The following RBFOX1 variants were observed in gnomAD, a reference collection of about 807,000 sequenced individuals.
The protein encoded by RBFOX1 is RNA binding protein fox-1 homolog 1.
Under a neutral mutation model 57.7 loss-of-function variants are expected in RBFOX1, and 8 were observed. That is an observed-to-expected ratio of 0.14 (90% CI 0.08 to 0.25). RBFOX1 has a LOEUF of 0.25. RBFOX1 is among the 10% of genes least tolerant of loss of function. RBFOX1 has a pLI of 1.00. For synonymous variants in RBFOX1, 326 were observed against 222.4 expected (o/e 1.47, Z -4.15); for missense variants, 611 against 548.5 (o/e 1.11, Z -1.14).
intron 5 of RBFOX1, among the ~76,000 whole-genome samples, chr16:7,518,886 C>T (rs2076958177): frequency 6.6e-6 from 1 of 152,006 alleles, no homozygotes; most frequent in South Asian, 2.1e-4. Flanking sequence ...AGCTGAGTGT[C>T]ATGGTGCATG....
At chr16:5,694,370 C>T (rs770939350) in intron 3 of RBFOX1, among the ~76,000 whole-genome samples, 1 of 152,158 alleles carries the variant, frequency 6.6e-6, no homozygotes, top group Non-Finnish European at 1.5e-5. Flanking sequence ...AGGTTTTCTG[C>T]CTTCCGTCTA....
chr16:6,858,362 G>A (rs928097545), intron 3 of RBFOX1, among the ~76,000 whole-genome samples: 1 of 152,186 alleles, frequency 6.6e-6, no homozygotes, highest in Non-Finnish European at 1.5e-5. Flanking sequence ...AAGCAGAGCA[G>A]ATTCGTGATA....
intron 2 of RBFOX1, among the ~76,000 whole-genome samples, chr16:6,512,235 G>T (rs1413522895): frequency 1.5e-5 from 2 of 129,956 alleles, no homozygotes; most frequent in Non-Finnish European, 3.1e-5. Context: ...AGTGAACCAT[G>T]ATCACACCAC....
At chr16:5,838,669 C>G (rs1597445336) in intron 3 of RBFOX1, 1 of 152,938 alleles carries the variant, frequency 6.5e-6, no homozygotes, top group East Asian at 1.9e-4. Context: ...CACTTTCTCT[C>G]TCTAGACCTC....
intron 4 of RBFOX1, among the ~76,000 whole-genome samples, chr16:7,345,279 T>C (rs1387736663): frequency 6.6e-6 from 1 of 152,166 alleles, no homozygotes; most frequent in East Asian, 1.9e-4. Context: ...CCTCTACAGC[T>C]CTGCATTTGT....
chr16:5,617,141 C>A (rs1477572821), intron 3 of RBFOX1, among the ~76,000 whole-genome samples: 1 of 151,602 alleles, frequency 6.6e-6, no homozygotes, highest in African/African-American at 2.4e-5. Context: ...CTCATTCATT[C>A]ATGAATGCAC....
intron 1 of RBFOX1, among the ~76,000 whole-genome samples, chr16:5,275,482 A>G (rs1194629328): frequency 6.6e-6 from 1 of 152,220 alleles, no homozygotes; most frequent in Admixed American, 6.5e-5. Flanking sequence ...CTAACCAAGG[A>G]GGTGAAATAC....
At chr16:6,752,016 C>T (rs1364065359) in intron 3 of RBFOX1, among the ~76,000 whole-genome samples, 1 of 152,122 alleles carries the variant, frequency 6.6e-6, no homozygotes, top group African/African-American at 2.4e-5. Flanking sequence ...GAATAGGTGA[C>T]TCAGTAACAA....
At chr16:7,105,790 A>AGG (rs1567277182) in intron 4 of RBFOX1, among the ~76,000 whole-genome samples, 3 of 111,002 alleles carry the variant, frequency 2.7e-5, no homozygotes, top group Non-Finnish European at 5.5e-5. Context: ...GTATATAGAG[A>AGG]TAGATAGATA....
At chr16:6,894,707 A>G (rs560423433) in intron 3 of RBFOX1, among the ~76,000 whole-genome samples, 1 of 152,342 alleles carries the variant, frequency 6.6e-6, no homozygotes, top group South Asian at 2.1e-4. Flanking sequence ...ACATTCATGA[A>G]TTAAAATTTT....
chr16:5,278,867 C>T (rs1013904057), intron 1 of RBFOX1, among the ~76,000 whole-genome samples: 5 of 152,092 alleles, frequency 3.3e-5, no homozygotes, highest in African/African-American at 1.2e-4. Context: ...AATGTATGTT[C>T]TTGACACCTT....
intron 4 of RBFOX1, among the ~76,000 whole-genome samples, chr16:7,264,749 A>G (rs1034776026): frequency 6.6e-6 from 1 of 152,180 alleles, no homozygotes; most frequent in African/African-American, 2.4e-5. Context: ...GCTCTTGGCT[A>G]TATCAAAATA....
Position 7,302,993 on chromosome 16 carries a change from C to T in RBFOX1, c.28-215154C>T, listed in dbSNP as rs117342128. Among the ~76,000 whole-genome samples the T allele has an allele frequency of 4.2e-3, 637 of 152,280 alleles. 17 individuals are homozygous for T. The highest frequency in any genetic ancestry group is 0.035 in the Admixed American group (534 of 15,304). ...ACCATTGTAATTTGCTCCCTGCAGCCGACGGAGTAATCTCTTATCAGACAC... is the reference window on the plus strand; with the variant it reads ...ACCATTGTAATTTGCTCCCTGCAGCTGACGGAGTAATCTCTTATCAGACAC... On this transcript the variant is annotated intron_variant, in intron 4 of 15. Coordinates refer to ENST00000550418, the MANE Select transcript of RBFOX1 (RefSeq NM_018723.4).
chr16:5,599,355 G>T, exon 3 of RBFOX1: 1 of 608,052 alleles, frequency 1.6e-6, no homozygotes, highest in Non-Finnish European at 2.9e-6. Flanking sequence ...GTAAGGACAG[G>T]AATGCTTACT....
intron 4 of RBFOX1, among the ~76,000 whole-genome samples, chr16:7,198,832 T>A (rs968309791): frequency 4.6e-5 from 7 of 152,190 alleles, no homozygotes; most frequent in African/African-American, 1.7e-4. Flanking sequence ...ACATGGACTT[T>A]GGGGGACACA....
At chr16:7,677,132 T>TACACACACACGCACACACACACACACAC (rs2073534005) in intron 14 of RBFOX1, among the ~76,000 whole-genome samples, 1 of 137,862 alleles carries the variant, frequency 7.3e-6, no homozygotes, top group Non-Finnish European at 1.6e-5. Flanking sequence ...CACATACACA[T>TACACACACACGCACACACACACACACAC]ACACACACAC....
At chr16:6,304,570 G>A (rs1280478947) in intron 1 of RBFOX1, among the ~76,000 whole-genome samples, 1 of 152,098 alleles carries the variant, frequency 6.6e-6, no homozygotes, top group African/African-American at 2.4e-5. Flanking sequence ...TCTACTCAGA[G>A]GGGAGACGTT....
intron 4 of RBFOX1, among the ~76,000 whole-genome samples, chr16:7,182,748 G>C (rs1331377304): frequency 6.6e-6 from 1 of 152,042 alleles, no homozygotes; most frequent in Non-Finnish European, 1.5e-5. Flanking sequence ...TTTGGAAATG[G>C]AGCCCATCAG....
intron 1 of RBFOX1, among the ~76,000 whole-genome samples, chr16:6,138,053 G>T (rs779727655): frequency 7.9e-5 from 12 of 152,176 alleles, no homozygotes; most frequent in Non-Finnish European, 1.5e-4. Context: ...CTGGCTAGTG[G>T]CCTCACAGGT....
Sources: allele counts gnomAD v4.1 joint callset (sites outside exome capture counted in the v4.1 genomes callset), GRCh38; gene constraint gnomAD v4.1.1; transcripts MANE v1.5; gene names NCBI Gene and HGNC (gene_info 2026-07-23, HGNC 2026-07-21).